GALNT13: variants seen among roughly 807,000 people sequenced by gnomAD.
The protein encoded by GALNT13 is UDP-GalNAc:polypeptide N-acetylgalactosaminyltransferase 13.
In GALNT13, 28 loss-of-function variants were observed where a neutral mutation model predicts 64.2. The ratio of observed to expected loss-of-function variants is 0.44; its 90% confidence interval spans 0.32 to 0.60. The LOEUF (loss-of-function observed/expected upper bound fraction) is 0.60. Among genes scored for constraint, GALNT13 ranks in the 20% least tolerant of loss-of-function variants. The pLI is 0.05. For missense variants in GALNT13, 577 were observed against 669.8 expected (o/e 0.86, Z 1.53); for synonymous variants, 214 against 224.6 (o/e 0.95, Z 0.42).
chr2:154,168,672 TTAAAAAAAA>T, intron 4 of GALNT13, among the ~76,000 whole-genome samples: 1 of 119,036 alleles, frequency 8.4e-6, no homozygotes, highest in East Asian at 2.3e-4. Context: ...ATCTCTACTA[TTAAAAAAAA>T]AAAAAAAAAA....
chr2:153,369,010 G>C, the GALNT13 span, among the ~76,000 whole-genome samples: 1 of 151,640 alleles, frequency 6.6e-6, no homozygotes, highest in African/African-American at 2.4e-5. Flanking sequence ...AGAATTAATA[G>C]CAGAAAGACA....
At chr2:153,116,602 A>G in the GALNT13 span, among the ~76,000 whole-genome samples, 14 of 152,262 alleles carry the variant, frequency 9.2e-5, no homozygotes, top group African/African-American at 3.1e-4. Flanking sequence ...AGAGCATAAA[A>G]AAATCAAATC....
At chr2:153,630,688 T>TA in the GALNT13 span, among the ~76,000 whole-genome samples, 2 of 123,014 alleles carry the variant, frequency 1.6e-5, no homozygotes, top group East Asian at 2.5e-4. Flanking sequence ...TAAAAAAAAT[T>TA]AAAAAAAATT....
At chr2:153,299,644 T>C in the GALNT13 span, among the ~76,000 whole-genome samples, 2 of 152,100 alleles carry the variant, frequency 1.3e-5, no homozygotes, top group Non-Finnish European at 2.9e-5. Context: ...GAAAACCCAA[T>C]GGGAAGCCAA....
chr2:153,146,863 C>T, the GALNT13 span, among the ~76,000 whole-genome samples: 2 of 151,850 alleles, frequency 1.3e-5, no homozygotes, highest in African/African-American at 2.4e-5. Context: ...CTTCAGCGGA[C>T]AGGTCCTCTC....
intron 10 of GALNT13, among the ~76,000 whole-genome samples, chr2:154,406,525 T>C (rs1356743237): frequency 6.6e-6 from 1 of 152,142 alleles, no homozygotes; most frequent in Non-Finnish European, 1.5e-5. Context: ...ACAGGGAGCA[T>C]CCATTTGCTG....
the GALNT13 span, among the ~76,000 whole-genome samples, chr2:153,550,961 T>G: frequency 1.3e-5 from 2 of 152,102 alleles, no homozygotes; most frequent in African/African-American, 4.8e-5. Flanking sequence ...TGATAAATAC[T>G]ATGGAGAAAA....
chr2:154,147,376 G>A (rs934671137), intron 4 of GALNT13, among the ~76,000 whole-genome samples: 1 of 136,366 alleles, frequency 7.3e-6, no homozygotes, highest in Non-Finnish European at 1.6e-5. Context: ...TATTTGAATG[G>A]AATTTTATAT....
intron 2 of GALNT13, among the ~76,000 whole-genome samples, chr2:153,927,535 T>G (rs1398952762): frequency 6.6e-6 from 1 of 152,028 alleles, no homozygotes; most frequent in African/African-American, 2.4e-5. Context: ...TTGCTTTATA[T>G]TGATTGACAA....
the GALNT13 span, among the ~76,000 whole-genome samples, chr2:153,666,720 A>G: frequency 1.3e-5 from 2 of 152,218 alleles, no homozygotes; most frequent in African/African-American, 4.8e-5. Flanking sequence ...CAAATGAGAA[A>G]GAACCAGTGC....
chr2:153,136,345 A>C, the GALNT13 span, among the ~76,000 whole-genome samples: 2 of 152,098 alleles, frequency 1.3e-5, no homozygotes, highest in African/African-American at 2.4e-5. Context: ...TATCCTCTGC[A>C]TGTCTCGTTT....
the GALNT13 span, among the ~76,000 whole-genome samples, chr2:153,801,803 A>G: frequency 6.6e-6 from 1 of 152,208 alleles, no homozygotes; most frequent in Non-Finnish European, 1.5e-5. Context: ...TCTGAAAAGC[A>G]TAATAAACAA....
chr2:153,675,841 A>G, the GALNT13 span, among the ~76,000 whole-genome samples: 8 of 152,130 alleles, frequency 5.3e-5, no homozygotes, highest in Non-Finnish European at 8.8e-5. Context: ...CAACTTACCA[A>G]AATTTTTGGG....
At chr2:153,435,062 C>T in the GALNT13 span, among the ~76,000 whole-genome samples, 1 of 152,158 alleles carries the variant, frequency 6.6e-6, no homozygotes, top group Non-Finnish European at 1.5e-5. Context: ...AGCCAGTTTT[C>T]TCAGCACCAT....
the GALNT13 span, among the ~76,000 whole-genome samples, chr2:153,767,705 T>A: frequency 6.6e-6 from 1 of 152,182 alleles, no homozygotes; most frequent in African/African-American, 2.4e-5. Flanking sequence ...TCATTACTGA[T>A]GTTGAGCATA....
At chr2:153,487,693 T>C in the GALNT13 span, among the ~76,000 whole-genome samples, 1 of 152,086 alleles carries the variant, frequency 6.6e-6, no homozygotes, top group South Asian at 2.1e-4. Flanking sequence ...GAAGGATAAA[T>C]AGGAGACAGC....
At chr2:153,736,149 G>T in the GALNT13 span, among the ~76,000 whole-genome samples, 2 of 152,058 alleles carry the variant, frequency 1.3e-5, no homozygotes, top group African/African-American at 4.8e-5. Context: ...CATTTCTTCA[G>T]TTGGCACTCC....
At chr2:153,774,035 G>C in the GALNT13 span, among the ~76,000 whole-genome samples, 1 of 152,080 alleles carries the variant, frequency 6.6e-6, no homozygotes, top group African/African-American at 2.4e-5. Context: ...TGATTAGAAT[G>C]AATCATACTT....
the GALNT13 span, among the ~76,000 whole-genome samples, chr2:153,272,414 GAA>G: frequency 1.5e-4 from 22 of 148,622 alleles, no homozygotes; most frequent in South Asian, 2.1e-4. Context: ...AAATTTACAA[GAA>G]AAAAAAAAAC....
Sources: allele counts gnomAD v4.1 joint callset (sites outside exome capture counted in the v4.1 genomes callset), GRCh38; gene constraint gnomAD v4.1.1; transcripts MANE v1.5; gene names NCBI Gene and HGNC (gene_info 2026-07-23, HGNC 2026-07-21).